RNF150: variants seen among roughly 807,000 people sequenced by gnomAD.
RNF150 encodes the protein ring finger protein 150.
Under a neutral mutation model 39.3 loss-of-function variants are expected in RNF150, and 24 were observed. The ratio of observed to expected loss-of-function variants is 0.61; its 90% CI spans 0.44 to 0.86. The LOEUF is 0.86. RNF150 is among the 40% of genes least tolerant of loss of function. The pLI, the probability that RNF150 is intolerant of heterozygous loss-of-function variation, is 0.00. For synonymous variants in RNF150, 255 were observed against 227.3 expected (o/e 1.12, Z -1.10); for missense variants, 502 against 587.8 (o/e 0.85, Z 1.51).
At chr4:141,176,499 A>C (rs1000324633) in intron 1 of RNF150, among the ~76,000 whole-genome samples, 1 of 152,224 alleles carries the variant, frequency 6.6e-6, no homozygotes, top group African/African-American at 2.4e-5. Context: ...TAAATAAAAA[A>C]ACTAAAGTTT....
upstream of RNF150, among the ~76,000 whole-genome samples, chr4:141,136,175 C>A (rs997532268): frequency 6.6e-6 from 1 of 152,106 alleles, no homozygotes; most frequent in Non-Finnish European, 1.5e-5. Flanking sequence ...AAAATAAACA[C>A]TTGGCAAAAA....
rs1732498565 is a variant in RNF150 at position 140,950,396 on chromosome 4, AG to A, written c.736-1025del. 2.6e-5 allele frequency among the ~76,000 whole-genome samples: 4 copies of A among 152,356 alleles called. No homozygotes were observed. The South Asian group carries it at 8.3e-4, about 32-fold the overall frequency. On this transcript the variant is annotated intron_variant, in intron 2 of 6. Coordinates refer to ENST00000515673, the MANE Select transcript of RNF150 (RefSeq NM_020724.2). ...TAATATATCCTAGGTGCCATGCTAA[AG>A]CTATATATGCATTATCACCTTTGAT...
At chr4:140,979,709 A>G (rs1233554542) in intron 1 of RNF150, among the ~76,000 whole-genome samples, 2 of 152,126 alleles carry the variant, frequency 1.3e-5, no homozygotes, top group Non-Finnish European at 2.9e-5. Flanking sequence ...GAGCACCTGG[A>G]TATTGTAGGG....
At chr4:141,063,682 T>C (rs1737333773) in intron 1 of RNF150, among the ~76,000 whole-genome samples, 2 of 152,304 alleles carry the variant, frequency 1.3e-5, no homozygotes, top group Middle Eastern at 6.8e-3. Flanking sequence ...ACTGGGTCTA[T>C]CAGTAGGAAC....
At chr4:141,158,896 T>C (rs1339040514) in intron 1 of RNF150, among the ~76,000 whole-genome samples, 1 of 152,220 alleles carries the variant, frequency 6.6e-6, no homozygotes, top group Non-Finnish European at 1.5e-5. Flanking sequence ...TGCCATTAGT[T>C]CTTCATTCCT....
intron 6 of RNF150, among the ~76,000 whole-genome samples, chr4:140,882,266 G>A (rs1035625255): frequency 8.5e-5 from 13 of 152,120 alleles, no homozygotes; most frequent in Admixed American, 3.9e-4. Context: ...TGATCCACCC[G>A]CCTCGGCCTC....
intron 5 of RNF150, among the ~76,000 whole-genome samples, chr4:140,921,151 G>A (rs1731114786): frequency 7.1e-6 from 1 of 139,960 alleles, no homozygotes; most frequent in South Asian, 2.6e-4. Context: ...CGCACATTGT[G>A]CACATGTACC....
At position 141,027,915 on chromosome 4, in the gene RNF150, T is replaced by TTTTG. The variant is rs1170610685; in HGVS notation, c.485-60043_485-60042insCAAA. 5.3e-4 allele frequency among the ~76,000 whole-genome samples: 30 copies of TTTTG among 56,414 alleles called. 10 individuals are homozygous for TTTTG. Among genetic ancestry groups the TTTTG allele is most frequent in the East Asian group, 1.9e-3 (2 of 1,060 alleles). The allele number at this position is 56,414 out of a possible 152,430, so 37.0% of individuals were successfully genotyped here. On this transcript the variant is annotated intron_variant, in intron 1 of 6. Coordinates refer to ENST00000515673, the MANE Select transcript of RNF150 (RefSeq NM_020724.2). ...ATAGTTAATGAGCTTGGAATTTGTT[T>TTTTG]TTTTTTTTTTGTTTTTTTTTTTTTT... is the stretch of plus-strand genomic sequence containing the variant.
At chr4:140,903,671 T>C (rs1196024036) in intron 6 of RNF150, among the ~76,000 whole-genome samples, 1 of 152,186 alleles carries the variant, frequency 6.6e-6, no homozygotes, top group Non-Finnish European at 1.5e-5. Context: ...CAAGATATCA[T>C]TGTGAAGAAT....
chr4:140,992,681 G>A (rs1290334611), intron 1 of RNF150, among the ~76,000 whole-genome samples: 1 of 152,076 alleles, frequency 6.6e-6, no homozygotes, highest in Non-Finnish European at 1.5e-5. Context: ...ATGGGTAAGG[G>A]GCACTTAGAA....
At chr4:141,116,993 G>C (rs1739569698) in intron 1 of RNF150, among the ~76,000 whole-genome samples, 1 of 152,066 alleles carries the variant, frequency 6.6e-6, no homozygotes, top group African/African-American at 2.4e-5. Context: ...GCCTGTCAGG[G>C]GGTGGGGGGA....
At chr4:141,006,281 T>C (rs1734871272) in intron 1 of RNF150, among the ~76,000 whole-genome samples, 6 of 128,614 alleles carry the variant, frequency 4.7e-5, no homozygotes, top group Admixed American at 4.6e-4. Context: ...TACATACATA[T>C]ATACGTATAT....
intron 1 of RNF150, among the ~76,000 whole-genome samples, chr4:141,195,955 G>A (rs1728194578): frequency 6.6e-6 from 1 of 152,094 alleles, no homozygotes; most frequent in Non-Finnish European, 1.5e-5. Context: ...GGGGGCATGT[G>A]GACAAAGATT....
chr4:141,212,459 C>A (rs1728482662), intron 1 of RNF150, among the ~76,000 whole-genome samples: 3 of 152,176 alleles, frequency 2.0e-5, no homozygotes, highest in Admixed American at 2.0e-4. Context: ...ATCAAACAAA[C>A]TAAACATATG....
At chr4:140,981,211 T>C (rs1047665897) in intron 1 of RNF150, among the ~76,000 whole-genome samples, 5 of 152,162 alleles carry the variant, frequency 3.3e-5, no homozygotes, top group African/African-American at 1.2e-4. Context: ...TATCCTTATT[T>C]GACATGATTG....
intron 1 of RNF150, among the ~76,000 whole-genome samples, chr4:141,207,261 TAGAG>T (rs35125051): frequency 0.22 from 33,281 of 152,000 alleles, 3,852 homozygotes; most frequent in South Asian, 0.32. Flanking sequence ...TAAATTAAAA[TAGAG>T]AGGTTATACT....
At chr4:141,003,840 C>T (rs964693849) in intron 1 of RNF150, among the ~76,000 whole-genome samples, 8 of 152,182 alleles carry the variant, frequency 5.3e-5, no homozygotes, top group Non-Finnish European at 1.0e-4. Flanking sequence ...GATTTCCTCA[C>T]TCTCATCTTC....
At chr4:141,001,052 T>C (rs1433777820) in intron 1 of RNF150, among the ~76,000 whole-genome samples, 1 of 152,200 alleles carries the variant, frequency 6.6e-6, no homozygotes, top group East Asian at 1.9e-4. Context: ...TAATGTTGAA[T>C]AGATGTTGGA....
intron 1 of RNF150, among the ~76,000 whole-genome samples, chr4:141,143,156 C>A (rs1260341716): frequency 1.3e-5 from 2 of 152,192 alleles, no homozygotes; most frequent in African/African-American, 4.8e-5. Context: ...AGGCGTGAGC[C>A]ACCGCGCCTG....
Sources: allele counts gnomAD v4.1 joint callset (sites outside exome capture counted in the v4.1 genomes callset), GRCh38; gene constraint gnomAD v4.1.1; transcripts MANE v1.5; gene names NCBI Gene and HGNC (gene_info 2026-07-23, HGNC 2026-07-21).